HRNR: variants seen among roughly 807,000 people sequenced by gnomAD.
HRNR encodes hornerin.
A neutral mutation model predicts 4.8 loss-of-function variants in HRNR; 7 were observed. The observed-to-expected ratio is 1.47, with a 90% CI of 0.83 to 2.75. The LOEUF is 2.75. HRNR is among the 30% of genes most tolerant of loss of function. The pLI is 0.00. For synonymous variants in HRNR, 1,023 were observed against 1,242.7 expected, an observed-to-expected ratio of 0.82 and a Z score of 3.72; for missense variants, 2,879 against 3,010.4, an observed-to-expected ratio of 0.96 and a Z score of 1.02.
At position 152,223,270 on chromosome 1, in the gene HRNR, T is replaced by C; in HGVS notation, c.-17A>G. 6.2e-7 allele frequency: 1 copy of C among 1,607,338 alleles called. No individual in the cohort carries two copies. The highest frequency in any genetic ancestry group is 8.5e-7 in the Non-Finnish European group (1 of 1,176,776). On this transcript the variant is annotated 5_prime_UTR_variant, in exon 2 of 3. Transcript: ENST00000368801. ...TTTAGGCATTTTTTTTTTTGCAAGT[T>C]TGAGTAACCTAAAGGGAGGAAAAAG...
chr1:152,218,802 C>T lies in HRNR; in HGVS notation c.2827G>A (p.Gly943Ser), dbSNP rs769186383. The T allele has an allele frequency of 1.1e-5, 18 of 1,613,114 alleles. No individual in the cohort carries two copies. The Admixed American group carries it at 1.8e-4, about 16-fold the overall frequency. The part of the protein sequence containing the change: ...GHKSSSGQSS[G>S]YTQHGSGSGH... Reference sequence around the variant, plus strand: ...GAGCCAGATCCATGCTGAGTGTAACCAGAGGACTGCCCTGAGCTAGACTTG... The same window carrying T: ...GAGCCAGATCCATGCTGAGTGTAACTAGAGGACTGCCCTGAGCTAGACTTG... Residue 943 changes from glycine to serine, a missense_variant, in exon 3 of 3, where the codon GGT becomes AGT. By Grantham distance (56) the Gly-to-Ser change is moderately conservative. Around this residue, in one of 8 missense-constraint regions of HRNR, gnomAD observed 2,646 missense variants for 1,377.7 expected, o/e 1.92. Coordinates refer to ENST00000368801, the MANE Select transcript of HRNR (RefSeq NM_001009931.3).
Position 152,220,184 on chromosome 1 carries a change from C to A in HRNR, c.1445G>T (p.Gly482Val). The part of the protein sequence containing the change: ...SEHSSGYTQH[G>V]SGSGHSSGHG... The stretch of plus-strand genomic sequence containing the variant: ...GCCGGAGGAGTGACCTGAGCCAGAT[C>A]CATGCTGAGTGTAACCAGAGGAATG... Residue 482 changes from glycine (G) to valine (V), a missense_variant, in exon 3 of 3, where the codon GGA becomes GTA. Coordinates refer to ENST00000368801, the MANE Select transcript of HRNR (RefSeq NM_001009931.3). 1.2e-6 allele frequency: 2 copies of A among 1,613,826 alleles called. No homozygotes were observed. The highest frequency in any genetic ancestry group is 1.7e-6 in the Non-Finnish European group (2 of 1,179,818).
Position 152,213,141 on chromosome 1 carries a change from T to A in HRNR, c.8488A>T (p.Ser2830Cys). 3 of 1,613,710 alleles carry A rather than the reference T, an allele frequency of 1.9e-6. No individual in the cohort carries two copies. The highest frequency in any genetic ancestry group is 1.7e-6 in the Non-Finnish European group (2 of 1,179,768). ...TAGGGTGAAGTGCTACTAGGAAAAC[T>A]GAGAAAATATGAGCCAGAACTTCCC... Reference protein sequence around the residue: ...DGGSSGSYFLSFPSSTSPYEY... With the variant: ...DGGSSGSYFLCFPSSTSPYEY... The change falls in exon 3 of 3, where the codon AGT becomes TGT. Residue 2830 changes from serine (S) to cysteine (C), a missense_variant. Physicochemically the swap from Ser to Cys is moderately radical, Grantham distance 112 (BLOSUM62 -1). Coordinates refer to ENST00000368801, the MANE Select transcript of HRNR (RefSeq NM_001009931.3).
In HRNR at chr1:152,220,241, G is replaced by T. The variant is rs140756053; in HGVS notation, c.1388C>A (p.Ser463Tyr). ...GPYVSGSGYSSGFGHHESSSE... is the reference protein window; with the variant it reads ...GPYVSGSGYSYGFGHHESSSE... Reference sequence around the variant, plus strand: ...GCTAGACTCGTGGTGACCAAAGCCAGAAGAGTAGCCTGAACCAGACACATA... The same window carrying T: ...GCTAGACTCGTGGTGACCAAAGCCATAAGAGTAGCCTGAACCAGACACATA... The change falls in exon 3 of 3, where the codon TCT becomes TAT. Residue 463 changes from serine (S) to tyrosine (Y), a missense_variant. Physicochemically the swap from Ser to Tyr is moderately radical, Grantham distance 144. Around this residue, in one of 8 missense-constraint regions of HRNR, gnomAD observed 2,646 missense variants for 1,377.7 expected, o/e 1.92. Transcript: ENST00000368801. 5.4e-4 allele frequency: 867 copies of T among 1,613,668 alleles called. 5 individuals carry two copies. Among genetic ancestry groups the T allele is most frequent in the Non-Finnish European group, 5.0e-4 (591 of 1,179,694 alleles).
rs1332643725 is a variant in HRNR, at chr1:152,218,694, A to C, written c.2935T>G (p.Ser979Ala). ...RSEQHGSSSGSSSSYGQHGSG... is the reference protein window; with the variant it reads ...RSEQHGSSSGASSSYGQHGSG... ...CCATGCTGACCATAGCTGGAAGACG[A>C]ACCTGAGCTAGATCCATGTTGTTCG... The change falls in exon 3 of 3, where the codon TCG becomes GCG. Residue 979 changes from serine to alanine, a missense_variant. Coordinates refer to ENST00000368801, the MANE Select transcript of HRNR (RefSeq NM_001009931.3). 4 of 1,609,346 alleles carry C rather than the reference A, an allele frequency of 2.5e-6. No individual in the cohort carries two copies. Among genetic ancestry groups the C allele is most frequent in the Non-Finnish European group, 3.4e-6 (4 of 1,178,800 alleles).
rs780083527 is a variant in HRNR, at chr1:152,219,672, C to G, written c.1957G>C (p.Gly653Arg). ...SSQSSRYGQQ[G>R]SGSGQSPSRG... is the part of the protein sequence containing the mutation. ...CTAGGAGACTGGCCAGATCCAGAGCCCTGTTGGCCATAGCGAGAAGACTGA... is the reference window on the plus strand; with the variant it reads ...CTAGGAGACTGGCCAGATCCAGAGCGCTGTTGGCCATAGCGAGAAGACTGA... The change falls in exon 3 of 3, where the codon GGC (glycine) becomes CGC (arginine). Residue 653 changes from glycine (G) to arginine (R), a missense_variant. Gly to Arg is a moderately radical substitution (Grantham distance 125, BLOSUM62 -2). Around this residue, in one of 8 missense-constraint regions of HRNR, gnomAD observed 2,646 missense variants for 1,377.7 expected, o/e 1.92. Transcript: ENST00000368801. 6.2e-6 allele frequency: 10 copies of G among 1,613,194 alleles called. No individual in the cohort carries two copies. The highest frequency in any genetic ancestry group is 7.6e-6 in the Non-Finnish European group (9 of 1,179,490).
At position 152,218,979 on chromosome 1, in the gene HRNR, C is replaced by T. The variant is rs747655378; in HGVS notation, c.2650G>A (p.Gly884Ser). 19 of 1,608,542 alleles carry T rather than the reference C, an allele frequency of 1.2e-5. No homozygotes were observed. Among genetic ancestry groups the T allele is most frequent in the Non-Finnish European group, 1.4e-5 (16 of 1,179,830 alleles). Residue 884 changes from glycine (G) to serine (S), a missense_variant, in exon 3 of 3, where the codon GGC (glycine) becomes AGC (serine). Around this residue, in one of 8 missense-constraint regions of HRNR, gnomAD observed 2,646 missense variants for 1,377.7 expected, o/e 1.92. Transcript: ENST00000368801. The part of the protein sequence containing the change: ...SHHASGRGRH[G>S]SGSGQSPGHG... ...CCTGGAGACTGGCCAGATCCAGAGC[C>T]ATGTCGGCCGCGGCCCGAAGCGTGA...
At chr1:152,222,849 G>C (rs1649042878) in intron 2 of HRNR, among the ~76,000 whole-genome samples, 1 of 152,204 alleles carries the variant, frequency 6.6e-6, no homozygotes, top group African/African-American at 2.4e-5. Flanking sequence ...TCTGAGGACT[G>C]TCTGGGTTTG....
chr1:152,218,705 G>A lies in HRNR; in HGVS notation c.2924C>T (p.Ser975Phe), dbSNP rs530836445. 2.5e-6 allele frequency: 4 copies of A among 1,614,010 alleles called. No individual in the cohort carries two copies. Among genetic ancestry groups the A allele is most frequent in the Non-Finnish European group, 3.4e-6 (4 of 1,180,016 alleles). Reference protein sequence around the residue: ...GQSSRSEQHGSSSGSSSSYGQ... With the variant: ...GQSSRSEQHGFSSGSSSSYGQ... ...ATAGCTGGAAGACGAACCTGAGCTA[G>A]ATCCATGTTGTTCGCTCCTAGATGA... The change falls in exon 3 of 3, where the codon TCT (serine) becomes TTT (phenylalanine). Residue 975 changes from serine to phenylalanine, a missense_variant. This residue lies in a region of HRNR where 2,646 missense variants were observed against 1,377.7 expected (regional missense o/e 1.92). Transcript: ENST00000368801.
At position 152,218,924 on chromosome 1, in the gene HRNR, T is replaced by C. The variant is rs1194200591; in HGVS notation, c.2705A>G (p.Gln902Arg). The C allele has an allele frequency of 6.2e-7, 1 of 1,613,548 alleles. No individual in the cohort carries two copies. Among genetic ancestry groups the C allele is most frequent in the Non-Finnish European group, 8.5e-7 (1 of 1,179,896 alleles). ...GHGQRGSGSG[Q>R]SPSYGRHGSG... ...CCCATGTCGGCCATAGCTGGGAGAC[T>C]GCCCTGACCCAGACCCACGCTGGCC... The change falls in exon 3 of 3, where the codon CAG (glutamine) becomes CGG (arginine). Residue 902 changes from glutamine (Q) to arginine (R), a missense_variant. This residue lies in a region of HRNR where 2,646 missense variants were observed against 1,377.7 expected (regional missense o/e 1.92). Coordinates refer to ENST00000368801, the MANE Select transcript of HRNR (RefSeq NM_001009931.3).
rs774716470 is a variant in HRNR, at chr1:152,219,077, G to A, written c.2552C>T (p.Ser851Leu). The change falls in exon 3 of 3, where the codon TCA becomes TTA. Residue 851 changes from serine to leucine, a missense_variant. Around this residue, in one of 8 missense-constraint regions of HRNR, gnomAD observed 2,646 missense variants for 1,377.7 expected, o/e 1.92. Transcript: ENST00000368801. ...QGRHGSTSGQ[S>L]SSSGQHDSSS... Reference sequence around the variant, plus strand: ...AGAGTCATGTTGGCCGGAGCTTGATGACTGCCCTGACGTAGATCCATGTCG... The same window carrying A: ...AGAGTCATGTTGGCCGGAGCTTGATAACTGCCCTGACGTAGATCCATGTCG... The A allele has an allele frequency of 1.2e-6, 2 of 1,613,958 alleles. No individual in the cohort carries two copies. Among genetic ancestry groups the A allele is most frequent in the Non-Finnish European group, 8.5e-7 (1 of 1,180,002 alleles).
rs146453724 is a variant in HRNR at position 152,219,442 on chromosome 1, G to T, written c.2187C>A (p.His729Gln). The part of the protein sequence containing the change: ...GSSHSSGYRK[H>Q]GSRSGQSSRS... ...TAGATGACTGTCCTGACCTAGAGCC[G>T]TGTTTTCTGTAGCCGGAGGAGTGAC... The change falls in exon 3 of 3, where the codon CAC (histidine) becomes CAA (glutamine). Residue 729 changes from histidine (H) to glutamine (Q), a missense_variant. By Grantham distance (24) the His-to-Gln change is conservative (BLOSUM62 0). Transcript: ENST00000368801. 1.9e-6 allele frequency: 3 copies of T among 1,613,808 alleles called. No individual in the cohort carries two copies. Among genetic ancestry groups the T allele is most frequent in the East Asian group, 4.5e-5 (2 of 44,812 alleles).
Position 152,219,347 on chromosome 1 carries a change from T to G in HRNR, c.2282A>C (p.Gln761Pro). ...SYGQHGSGSH[Q>P]SSGHGRQGSG... ...CCCTTGTCGGCCGTGGCCCGAAGAT[T>G]GATGGGAGCCCGACCCATGCTGACC... The change falls in exon 3 of 3, where the codon CAA becomes CCA. Residue 761 changes from glutamine to proline, a missense_variant. This residue lies in a region of HRNR where 2,646 missense variants were observed against 1,377.7 expected (regional missense o/e 1.92). Transcript: ENST00000368801. 6.2e-7 allele frequency: 1 copy of G among 1,613,566 alleles called. No homozygotes were observed. Among genetic ancestry groups the G allele is most frequent in the South Asian group, 1.1e-5 (1 of 91,042 alleles).
rs1199815533 is a variant in HRNR, at chr1:152,219,362, C to G, written c.2267G>C (p.Gly756Ala). ...SGLSSSYGQH[G>A]SGSHQSSGHG... Reference sequence around the variant, plus strand: ...GCCCGAAGATTGATGGGAGCCCGACCCATGCTGACCATAGCTGGAAGACAA... The same window carrying G: ...GCCCGAAGATTGATGGGAGCCCGACGCATGCTGACCATAGCTGGAAGACAA... Residue 756 changes from glycine to alanine, a missense_variant, in exon 3 of 3, where the codon GGG becomes GCG. By Grantham distance (60) the Gly-to-Ala change is moderately conservative. This residue lies in a region of HRNR where 2,646 missense variants were observed against 1,377.7 expected (regional missense o/e 1.92). Coordinates refer to ENST00000368801, the MANE Select transcript of HRNR (RefSeq NM_001009931.3). The G allele has an allele frequency of 4.3e-6, 7 of 1,613,080 alleles. No homozygotes were observed. Among genetic ancestry groups the G allele is most frequent in the Non-Finnish European group, 5.9e-6 (7 of 1,179,806 alleles).
In HRNR at chr1:152,219,516, A is replaced by G; in HGVS notation, c.2113T>C (p.Ser705Pro). The G allele has an allele frequency of 1.2e-6, 2 of 1,613,666 alleles. No individual in the cohort carries two copies. The highest frequency in any genetic ancestry group is 1.7e-5 in the Admixed American group (1 of 59,994). Residue 705 changes from serine to proline, a missense_variant, in exon 3 of 3, where the codon TCT becomes CCT. Coordinates refer to ENST00000368801, the MANE Select transcript of HRNR (RefSeq NM_001009931.3). Reference sequence around the variant, plus strand: ...TAACCAGAGGACTGCCCTGAGCCAGACTTGTGACCAAAGCCGGAAGACTGG... The same window carrying G: ...TAACCAGAGGACTGCCCTGAGCCAGGCTTGTGACCAAAGCCGGAAGACTGG... ...SGQSSGFGHK[S>P]GSGQSSGYSQ...
intron 1 of HRNR, 103 bp from the exon 2 acceptor site, chr1:152,223,381 GTCA>G (rs1649066967): frequency 5.8e-6 from 3 of 513,542 alleles, no homozygotes; most frequent in African/African-American, 2.0e-5. Flanking sequence ...GAATTAGTCA[GTCA>G]TGATTAAATT....
intron 2 of HRNR, among the ~76,000 whole-genome samples, chr1:152,222,473 T>C (rs886775442): frequency 1.3e-5 from 2 of 152,110 alleles, no homozygotes; most frequent in African/African-American, 4.8e-5. Flanking sequence ...AGAAATGGGT[T>C]GTTTTGAGAG....
chr1:152,219,081 G>A lies in HRNR; in HGVS notation c.2548C>T (p.Gln850Ter), dbSNP rs1191598171. The A allele has an allele frequency of 1.2e-6, 2 of 1,613,904 alleles. No homozygotes were observed. The highest frequency in any genetic ancestry group is 3.3e-5 in the Admixed American group (2 of 60,004). Residue 850 changes from glutamine to a stop codon, truncating the protein, a stop_gained, in exon 3 of 3, where the codon CAG becomes TAG. Coordinates refer to ENST00000368801, the MANE Select transcript of HRNR (RefSeq NM_001009931.3). LOFTEE classifies it low-confidence loss of function (END_TRUNC). ...TCATGTTGGCCGGAGCTTGATGACT[G>A]CCCTGACGTAGATCCATGTCGTCCC... ...SQGRHGSTSG[Q>*]SSSSGQHDSS...
chr1:152,222,591 G>A (rs752233466), intron 2 of HRNR, among the ~76,000 whole-genome samples: 1 of 152,124 alleles, frequency 6.6e-6, no homozygotes, highest in Non-Finnish European at 1.5e-5. Flanking sequence ...GAAGGAAAAA[G>A]GTTAGTGGGG....
Sources: allele counts gnomAD v4.1 joint callset (sites outside exome capture counted in the v4.1 genomes callset), GRCh38; gene constraint gnomAD v4.1.1; regional missense constraint gnomAD v4.1.1; transcripts MANE v1.5; gene names NCBI Gene and HGNC (gene_info 2026-07-23, HGNC 2026-07-21).